Variants in NPAS3 observed in about 807,000 individuals in gnomAD.
NPAS3 encodes neuronal PAS domain-containing protein 3.
In NPAS3, 14 loss-of-function variants were observed where a neutral mutation model predicts 73.1. The ratio of observed to expected loss-of-function variants is 0.19; its 90% CI spans 0.13 to 0.30. The LOEUF (loss-of-function observed/expected upper bound fraction) is 0.30. NPAS3 is among the 10% of genes least tolerant of loss of function. NPAS3 has a pLI of 1.00. For missense variants in NPAS3, 1,096 were observed against 1,250.0 expected (o/e 0.88, Z 1.86); for synonymous variants, 620 against 541.5 (o/e 1.14, Z -2.01).
chr14:33,458,759 A>G (rs995085514), intron 4 of NPAS3, among the ~76,000 whole-genome samples: 1 of 152,206 alleles, frequency 6.6e-6, no homozygotes, highest in Non-Finnish European at 1.5e-5. Context: ...ATCAGTAATT[A>G]AGTAACCAAA....
intron 5 of NPAS3, among the ~76,000 whole-genome samples, chr14:33,601,025 G>A (rs766287990): frequency 3.9e-4 from 59 of 152,126 alleles, no homozygotes; most frequent in African/African-American, 6.0e-4. Context: ...AGAAACATAC[G>A]TGCTTCTGCC....
intron 2 of NPAS3, among the ~76,000 whole-genome samples, chr14:33,080,755 A>G (rs963658790): frequency 1.3e-5 from 2 of 152,202 alleles, no homozygotes. Flanking sequence ...AGTGTGAGTG[A>G]CATCACAGGA....
intron 1 of NPAS3, among the ~76,000 whole-genome samples, chr14:33,038,661 A>G (rs905144268): frequency 1.2e-4 from 18 of 152,140 alleles, no homozygotes; most frequent in African/African-American, 3.9e-4. Flanking sequence ...TAGCTGTAGT[A>G]TATGTTGGGT....
intron 4 of NPAS3, among the ~76,000 whole-genome samples, chr14:33,510,139 G>C (rs543394344): frequency 3.0e-4 from 45 of 152,202 alleles, no homozygotes; most frequent in Non-Finnish European, 6.0e-4. Context: ...GCGATGTGGT[G>C]TGTGGTTGGA....
At chr14:33,340,198 T>C (rs539467540) in intron 3 of NPAS3, among the ~76,000 whole-genome samples, 1 of 152,314 alleles carries the variant, frequency 6.6e-6, no homozygotes, top group East Asian at 1.9e-4. Context: ...TTCTTAAGTA[T>C]CAATATTTTT....
At chr14:33,179,400 G>A (rs141698991) in intron 2 of NPAS3, among the ~76,000 whole-genome samples, 190 of 152,280 alleles carry the variant, frequency 1.2e-3, no homozygotes, top group African/African-American at 4.4e-3. Context: ...TAATGTTAGA[G>A]ATACTTAAGG....
At chr14:33,028,803 A>G (rs906839620) in intron 1 of NPAS3, among the ~76,000 whole-genome samples, 2 of 152,142 alleles carry the variant, frequency 1.3e-5, no homozygotes, top group African/African-American at 4.8e-5. Context: ...AGATACATAC[A>G]TACATATATG....
At chr14:32,956,512 T>C (rs1428695391) in intron 1 of NPAS3, among the ~76,000 whole-genome samples, 2 of 152,220 alleles carry the variant, frequency 1.3e-5, no homozygotes, top group Non-Finnish European at 2.9e-5. Context: ...TTGATAAACT[T>C]GCTTGAACTT....
chr14:33,277,222 A>T (rs2041375293), intron 3 of NPAS3, among the ~76,000 whole-genome samples: 1 of 152,172 alleles, frequency 6.6e-6, no homozygotes, highest in Admixed American at 6.6e-5. Flanking sequence ...TTCCCAGCAG[A>T]TATGCTCAAG....
chr14:33,711,455 C>T (rs138098331), intron 6 of NPAS3, among the ~76,000 whole-genome samples: 168 of 152,172 alleles, frequency 1.1e-3, no homozygotes, highest in African/African-American at 3.9e-3. Flanking sequence ...ACAGAGAGAC[C>T]GGGCCAAATA....
intron 4 of NPAS3, among the ~76,000 whole-genome samples, chr14:33,418,296 C>T (rs942848402): frequency 6.6e-6 from 1 of 151,862 alleles, no homozygotes. Context: ...GGGCCAAAGG[C>T]TGAACAGCTT....
intron 1 of NPAS3, among the ~76,000 whole-genome samples, chr14:33,004,364 A>G (rs185575363): frequency 4.5e-4 from 69 of 152,330 alleles, no homozygotes; most frequent in Admixed American, 4.2e-3. Flanking sequence ...ATGTTATTGT[A>G]CTGAATATTG....
chr14:33,334,353 G>T (rs962337287), intron 3 of NPAS3, among the ~76,000 whole-genome samples: 1 of 152,096 alleles, frequency 6.6e-6, no homozygotes, highest in East Asian at 1.9e-4. Context: ...ATCATATAAA[G>T]TTCCTTCATG....
intron 5 of NPAS3, among the ~76,000 whole-genome samples, chr14:33,638,078 A>G (rs940415097): frequency 6.6e-6 from 1 of 152,214 alleles, no homozygotes; most frequent in Non-Finnish European, 1.5e-5. Context: ...TATTTTTGAT[A>G]GCTGATTCTA....
chr14:33,439,434 TATC>T lies in NPAS3; in HGVS notation c.468+72169_468+72171del, dbSNP rs2139253339. On this transcript the variant is annotated intron_variant, in intron 4 of 11. Transcript: ENST00000356141. ...TGAGTCCTGCATCTCTGAGCTAAGA[TATC>T]ATTCTCTTCACCATGGTCATAGTGT... 1.3e-5 allele frequency among the ~76,000 whole-genome samples: 2 copies of T among 152,314 alleles called. 1 individual carries two copies. Among genetic ancestry groups the T allele is most frequent in the Admixed American group, 1.3e-4 (2 of 15,296 alleles).
rs530055900 is a variant in NPAS3 at position 33,213,236 on chromosome 14, A to T, written c.141-1946A>T. ...GAGCCCCATCATAGTCACTTACTGG[A>T]CCAAAAAAAAATTGTAAGTTTAGCC... On this transcript the variant is annotated intron_variant, in intron 2 of 11. Transcript: ENST00000356141. Among the ~76,000 whole-genome samples the T allele has an allele frequency of 2.9e-3, 5 of 1,700 alleles. No homozygotes were observed. In the Admixed American group the frequency reaches 0.046, roughly 16 times the overall value. The allele number at this position is 1,700 out of a possible 152,430, so 1.1% of individuals were successfully genotyped here.
chr14:33,346,616 ATTAG>A (rs2044748504), intron 3 of NPAS3, among the ~76,000 whole-genome samples: 1 of 151,688 alleles, frequency 6.6e-6, no homozygotes, highest in African/African-American at 2.4e-5. Context: ...ATTAGGATGT[ATTAG>A]TTAGTTTTAG....
chr14:33,577,666 G>A (rs1374222835), intron 5 of NPAS3, among the ~76,000 whole-genome samples: 3 of 152,184 alleles, frequency 2.0e-5, no homozygotes, highest in Non-Finnish European at 4.4e-5. Flanking sequence ...CTGCTGGGGT[G>A]ACGGGGTAAA....
intron 2 of NPAS3, among the ~76,000 whole-genome samples, chr14:33,101,723 A>G (rs2042582589): frequency 6.6e-6 from 1 of 152,084 alleles, no homozygotes; most frequent in Admixed American, 6.5e-5. Flanking sequence ...TATGCTTAAT[A>G]TGCCCTAATT....
Sources: gnomAD v4.1 joint callset for allele counts (sites outside exome capture counted in the v4.1 genomes callset) on GRCh38, gnomAD v4.1.1 for gene constraint, MANE v1.5 for transcripts, NCBI Gene and HGNC (gene_info 2026-07-23, HGNC 2026-07-21) for gene names.